The following PRDM1 variants were observed in gnomAD, a reference collection of about 807,000 sequenced individuals.
PRDM1 encodes the protein PR/SET domain 1.
PRDM1 carries 13 observed loss-of-function variants against 62.8 expected under a neutral mutation model. The ratio of observed to expected loss-of-function variants is 0.21; its 90% confidence interval spans 0.13 to 0.33. The LOEUF (loss-of-function observed/expected upper bound fraction) is 0.33, where lower values mean the gene tolerates loss of function less well. PRDM1 is among the 10% of genes least tolerant of loss of function. The pLI is 1.00. For missense variants in PRDM1, 895 were observed against 1,058.8 expected (o/e 0.85, Z 2.15); for synonymous variants, 396 against 417.6 (o/e 0.95, Z 0.63).
At chr6:106,055,703 C>G (rs1773254245) in intron 1 of PRDM1, among the ~76,000 whole-genome samples, 1 of 152,178 alleles carries the variant, frequency 6.6e-6, no homozygotes, top group South Asian at 2.1e-4. Context: ...GGACATTTCA[C>G]CAATTGAACA....
At chr6:106,081,876 C>T (rs1452247707), upstream of PRDM1, among the ~76,000 whole-genome samples, 1 of 152,216 alleles carries the variant, frequency 6.6e-6, no homozygotes, top group African/African-American at 2.4e-5. Context: ...ACTGGGTCTT[C>T]TGCTGCTGTT....
In PRDM1 at chr6:106,093,628, A is replaced by G. The variant is rs140830150; in HGVS notation, c.292-1987A>G. 3.5e-3 allele frequency among the ~76,000 whole-genome samples: 538 copies of G among 152,378 alleles called. 3 individuals carry two copies. Among genetic ancestry groups the G allele is most frequent in the African/African-American group, 0.012 (514 of 41,584 alleles). On this transcript the variant is annotated intron_variant, in intron 2 of 6. Transcript: ENST00000369096. ...CAAATTAATTAGATTCAATAATAAT[A>G]TGTCCAAAACAATGAGCCTCTGAAT...
Position 106,105,446 on chromosome 6 carries a change from G to C in PRDM1, c.1286G>C (p.Ser429Thr), listed in dbSNP as rs771754525. 1.9e-6 allele frequency: 3 copies of C among 1,614,162 alleles called. No individual in the cohort carries two copies. Among genetic ancestry groups the C allele is most frequent in the Admixed American group, 3.3e-5 (2 of 60,028 alleles). The change falls in exon 5 of 7, where the codon AGC (serine) becomes ACC (threonine). Residue 429 changes from serine to threonine, a missense_variant. By Grantham distance (58) the Ser-to-Thr change is moderately conservative. Around this residue, in one of 4 missense-constraint regions of PRDM1, gnomAD observed 444 missense variants for 422.7 expected, o/e 1.05. Transcript: ENST00000369096. ...GMNCNGLSAVSSMNGINNFGL... is the reference protein window; with the variant it reads ...GMNCNGLSAVTSMNGINNFGL... Reference sequence around the variant, plus strand: ...AATTGTAATGGCCTGAGCGCTGTGAGCAGCATGAATGGCATCAACAACTTT... The same window carrying C: ...AATTGTAATGGCCTGAGCGCTGTGACCAGCATGAATGGCATCAACAACTTT...
chr6:106,029,810 G>A (rs949541823), intron 1 of PRDM1, among the ~76,000 whole-genome samples: 5 of 152,000 alleles, frequency 3.3e-5, no homozygotes, highest in African/African-American at 1.2e-4. Context: ...GTAGAGCTGG[G>A]ATTTTGTCAT....
chr6:106,026,630 G>C (rs1582430427), intron 1 of PRDM1, among the ~76,000 whole-genome samples: 1 of 152,306 alleles, frequency 6.6e-6, no homozygotes, highest in African/African-American at 2.4e-5. Flanking sequence ...GCAGCCTCTG[G>C]CTGTCCAGTG....
chr6:106,090,771 C>T (rs941510100), intron 2 of PRDM1, among the ~76,000 whole-genome samples: 1 of 151,880 alleles, frequency 6.6e-6, no homozygotes, highest in Admixed American at 6.5e-5. Flanking sequence ...TAAATGTTTT[C>T]GTTTAAATAG....
intron 1 of PRDM1, among the ~76,000 whole-genome samples, chr6:106,038,014 C>CTTGTTTTTTTTTT (rs1772944859): frequency 2.1e-5 from 1 of 47,800 alleles, no homozygotes; most frequent in Non-Finnish European, 3.5e-5. Flanking sequence ...CTATTTTTGT[C>CTTGTTTTTTTTTT]TTTTTTTTTT....
chr6:106,037,188 G>A (rs1190593288), intron 1 of PRDM1, among the ~76,000 whole-genome samples: 1 of 152,084 alleles, frequency 6.6e-6, no homozygotes, highest in Non-Finnish European at 1.5e-5. Flanking sequence ...TTGTTTGTTT[G>A]CTTTCTTTGC....
intron 3 of PRDM1, chr6:106,098,854 T>C: frequency 1.0e-5 from 16 of 1,524,444 alleles, no homozygotes; most frequent in Non-Finnish European, 1.4e-5. Context: ...TAGAAAAAGC[T>C]AAGACTCAGT....
At chr6:106,001,090 A>G (rs4410766) in intron 1 of PRDM1, among the ~76,000 whole-genome samples, 138,660 of 152,312 alleles carry the variant, frequency 0.91, 63,239 homozygotes, top group African/African-American at 0.96. Context: ...CTTCAGCTGG[A>G]TCTAAGATGG....
chr6:106,084,065 TTTC>T (rs1406271347), upstream of PRDM1, among the ~76,000 whole-genome samples: 1 of 152,218 alleles, frequency 6.6e-6, no homozygotes, highest in Non-Finnish European at 1.5e-5. Flanking sequence ...CTTTCTTTTA[TTTC>T]TTCTTCCTTT....
intron 1 of PRDM1, among the ~76,000 whole-genome samples, chr6:106,064,299 G>A (rs1243864541): frequency 2.0e-5 from 3 of 152,148 alleles, no homozygotes; most frequent in Non-Finnish European, 4.4e-5. Flanking sequence ...ATCCTCTCTG[G>A]GTGTTGAGCT....
chr6:106,077,670 G>A (rs1260721084), intron 1 of PRDM1, among the ~76,000 whole-genome samples: 3 of 152,216 alleles, frequency 2.0e-5, no homozygotes, highest in African/African-American at 4.8e-5. Context: ...CAGTTTGAAG[G>A]ATAATTTCAC....
In PRDM1 at chr6:106,109,091, CAAAAAAA is replaced by C. The variant is rs36077280; in HGVS notation, c.*1621_*1627del. 38 of 121,738 alleles carry C rather than the reference CAAAAAAA, an allele frequency of 3.1e-4. No individual in the cohort carries two copies. Among genetic ancestry groups the C allele is most frequent in the East Asian group, 1.3e-3 (10 of 7,690 alleles). 7.5% of individuals were successfully genotyped at this position (121,738 alleles called of 1,614,324 possible). ...GTAAAAGATCTACTTTTTCTAAGGG[CAAAAAAA>C]AAAAAAAAAAAAAAAGAACACTCCT... On this transcript the variant is annotated 3_prime_UTR_variant, in exon 7 of 7. Transcript: ENST00000369096.
Position 106,108,085 on chromosome 6 carries a change from A to T in PRDM1, c.*599A>T, listed in dbSNP as rs1179819721. 1 of 233,338 alleles carries T rather than the reference A, an allele frequency of 4.3e-6. No individual in the cohort carries two copies. The highest frequency in any genetic ancestry group is 6.0e-5 in the East Asian group (1 of 16,646). The allele number at this position is 233,338 out of a possible 1,614,324, so 14.5% of individuals were successfully genotyped here. ...AGGTTTGGGTAATTGCCAATGTTGG[A>T]CAGTTGATGTGTTCATTCCTGGGAT... On this transcript the variant is annotated 3_prime_UTR_variant, in exon 7 of 7. Transcript: ENST00000369096.
upstream of PRDM1, among the ~76,000 whole-genome samples, chr6:105,993,069 G>A (rs1463668099): frequency 2.0e-5 from 3 of 152,202 alleles, no homozygotes; most frequent in East Asian, 5.8e-4. Context: ...GGTAGAGGGG[G>A]CCCGTGAGTG....
chr6:106,022,375 G>T (rs1454756055), intron 1 of PRDM1, among the ~76,000 whole-genome samples: 1 of 151,588 alleles, frequency 6.6e-6, no homozygotes, highest in African/African-American at 2.4e-5. Context: ...CCCTGCCTTA[G>T]CCTCTTGAGT....
chr6:106,059,528 C>G (rs1420998020), intron 1 of PRDM1, among the ~76,000 whole-genome samples: 1 of 152,164 alleles, frequency 6.6e-6, no homozygotes, highest in Non-Finnish European at 1.5e-5. Flanking sequence ...GTTTGCATAC[C>G]TTGGCAAGTA....
chr6:106,086,730 T>A, intron 1 of PRDM1, 135 bp downstream of exon 1: 1 of 724,112 alleles, frequency 1.4e-6, no homozygotes, highest in Non-Finnish European at 2.2e-6. Flanking sequence ...TTAGTGCACT[T>A]AGTGCTGTCA....
Sources: gnomAD v4.1 joint callset for allele counts (sites outside exome capture counted in the v4.1 genomes callset) on GRCh38, gnomAD v4.1.1 for gene constraint, gnomAD v4.1.1 regional missense constraint, MANE v1.5 for transcripts, NCBI Gene and HGNC (gene_info 2026-07-23, HGNC 2026-07-21) for gene names.